Variants in PDE10A observed in about 807,000 individuals in gnomAD.
PDE10A encodes the protein cAMP and cAMP-inhibited cGMP 3',5'-cyclic phosphodiesterase 10A.
PDE10A carries 39 observed loss-of-function variants against 97.7 expected under a neutral mutation model. That is an observed-to-expected ratio of 0.40 (90% CI 0.31 to 0.52). The LOEUF (loss-of-function observed/expected upper bound fraction) is 0.52. PDE10A is among the 20% of genes least tolerant of loss of function. PDE10A has a pLI of 0.56. For missense variants in PDE10A, 731 were observed against 1,047.8 expected (o/e 0.70, Z 4.17); for synonymous variants, 371 against 376.8 (o/e 0.98, Z 0.18).
chr6:165,416,527 T>A (rs764277218), intron 11 of PDE10A, among the ~76,000 whole-genome samples: 1 of 152,192 alleles, frequency 6.6e-6, no homozygotes, highest in Non-Finnish European at 1.5e-5. Context: ...AACAATCAAC[T>A]AGTATCCTCC....
intron 2 of PDE10A, among the ~76,000 whole-genome samples, chr6:165,533,780 T>C (rs997301787): frequency 6.6e-6 from 1 of 152,190 alleles, no homozygotes; most frequent in African/African-American, 2.4e-5. Context: ...TTGCCACTTA[T>C]ATTTCATAGG....
chr6:165,390,540 G>A (rs1468449511), intron 16 of PDE10A, among the ~76,000 whole-genome samples: 1 of 152,194 alleles, frequency 6.6e-6, no homozygotes, highest in Non-Finnish European at 1.5e-5. Flanking sequence ...CCAGAAAAGA[G>A]GGGTGAAAGC....
At chr6:165,943,222 A>AG (rs1783612589) in intron 1 of PDE10A, among the ~76,000 whole-genome samples, 1 of 64,652 alleles carries the variant, frequency 1.5e-5, no homozygotes, top group Non-Finnish European at 3.2e-5. Context: ...AAAGAAAGAA[A>AG]GAAAGAAAGA....
chr6:165,631,394 G>C (rs1003560762), intron 1 of PDE10A, among the ~76,000 whole-genome samples: 1 of 152,164 alleles, frequency 6.6e-6, no homozygotes, highest in Non-Finnish European at 1.5e-5. Flanking sequence ...GAAGTTGCTA[G>C]GTCCAAATAA....
chr6:165,741,423 T>A (rs1387385852), intron 1 of PDE10A, among the ~76,000 whole-genome samples: 1 of 152,200 alleles, frequency 6.6e-6, no homozygotes, highest in Non-Finnish European at 1.5e-5. Flanking sequence ...TCCATATTTA[T>A]TAGATGGATC....
At chr6:165,623,287 G>A (rs970654793) in intron 1 of PDE10A, among the ~76,000 whole-genome samples, 31 of 151,934 alleles carry the variant, frequency 2.0e-4, no homozygotes, top group East Asian at 1.9e-4. Flanking sequence ...CACCATGCCC[G>A]GCTGATTTTT....
intron 1 of PDE10A, among the ~76,000 whole-genome samples, chr6:165,848,323 G>A (rs1031572673): frequency 2.0e-5 from 3 of 152,144 alleles, no homozygotes; most frequent in Middle Eastern, 3.2e-3. Context: ...GTCACCAGAG[G>A]GTAACTTGGA....
intron 1 of PDE10A, among the ~76,000 whole-genome samples, chr6:165,773,901 T>G (rs1482626571): frequency 6.6e-6 from 1 of 152,178 alleles, no homozygotes; most frequent in African/African-American, 2.4e-5. Flanking sequence ...GTAACATGTA[T>G]TACAACTATC....
At chr6:165,945,902 T>C (rs1783749687) in intron 1 of PDE10A, among the ~76,000 whole-genome samples, 1 of 152,240 alleles carries the variant, frequency 6.6e-6, no homozygotes, top group Non-Finnish European at 1.5e-5. Flanking sequence ...ATGTGTGTGA[T>C]TGCACTTTAG....
chr6:165,401,148 T>C (rs74493245), intron 13 of PDE10A, among the ~76,000 whole-genome samples: 3,454 of 152,284 alleles, frequency 0.023, 159 homozygotes, highest in African/African-American at 0.079. Flanking sequence ...CTTTAAACAG[T>C]TGTACGTTAT....
At chr6:165,545,190 A>G (rs1181756149) in intron 1 of PDE10A, 2 of 503,710 alleles carry the variant, frequency 4.0e-6, no homozygotes, top group Non-Finnish European at 7.8e-6. Flanking sequence ...TTCTTATCCT[A>G]ACTTTCTAAC....
chr6:165,699,488 A>G (rs1344095638), intron 1 of PDE10A, among the ~76,000 whole-genome samples: 1 of 152,192 alleles, frequency 6.6e-6, no homozygotes, highest in Non-Finnish European at 1.5e-5. Context: ...CACCGTAAAC[A>G]AACTGGACCT....
intron 10 of PDE10A, among the ~76,000 whole-genome samples, chr6:165,426,930 T>C (rs906432879): frequency 2.2e-4 from 34 of 152,050 alleles, no homozygotes; most frequent in African/African-American, 8.0e-4. Flanking sequence ...GAGATAGCAC[T>C]TTACACCCAC....
intron 1 of PDE10A, among the ~76,000 whole-genome samples, chr6:165,561,276 T>C (rs980633735): frequency 6.6e-6 from 1 of 151,984 alleles, no homozygotes; most frequent in African/African-American, 2.4e-5. Flanking sequence ...TGCTGTCATG[T>C]GAAGACACGT....
chr6:165,504,250 G>A (rs1781064372), intron 2 of PDE10A, among the ~76,000 whole-genome samples: 1 of 152,008 alleles, frequency 6.6e-6, no homozygotes, highest in African/African-American at 2.4e-5. Flanking sequence ...AGGTCATGTG[G>A]TTAAAGTGAA....
chr6:165,598,001 C>T (rs913937164), intron 1 of PDE10A, among the ~76,000 whole-genome samples: 1 of 152,224 alleles, frequency 6.6e-6, no homozygotes, highest in Admixed American at 6.5e-5. Flanking sequence ...GCTCCACTAG[C>T]ACAGGTCACG....
chr6:165,969,560 G>A (rs558808956), intron 1 of PDE10A, among the ~76,000 whole-genome samples: 14 of 152,138 alleles, frequency 9.2e-5, no homozygotes, highest in Admixed American at 2.0e-4. Context: ...TTAGGCTGGC[G>A]CAAAAGTAAT....
chr6:165,764,747 A>G (rs965998139), intron 1 of PDE10A, among the ~76,000 whole-genome samples: 6 of 152,130 alleles, frequency 3.9e-5, no homozygotes, highest in Non-Finnish European at 5.9e-5. Flanking sequence ...GGCACTGTGG[A>G]CCCAAAGAGT....
At chr6:165,485,874 G>T (rs956352946) in intron 2 of PDE10A, among the ~76,000 whole-genome samples, 1 of 152,200 alleles carries the variant, frequency 6.6e-6, no homozygotes, top group Non-Finnish European at 1.5e-5. Context: ...GATTACAGGC[G>T]TGAGCTACCG....
Sources: gnomAD v4.1 joint callset for allele counts (sites outside exome capture counted in the v4.1 genomes callset) on GRCh38, gnomAD v4.1.1 for gene constraint, MANE v1.5 for transcripts, NCBI Gene and HGNC (gene_info 2026-07-23, HGNC 2026-07-21) for gene names.